OR2L13: variants seen among roughly 807,000 people sequenced by gnomAD.
OR2L13 encodes olfactory receptor family 2 subfamily L member 13, also known as olfactory receptor 2L13.
In OR2L13, 14 loss-of-function variants were observed where a neutral mutation model predicts 15.3. The ratio of observed to expected loss-of-function variants is 0.91; its 90% CI spans 0.60 to 1.43. OR2L13 has a LOEUF of 1.43. OR2L13 is among the 40% of genes most tolerant of loss of function. The pLI is 0.00. For missense variants in OR2L13, 367 were observed against 387.9 expected (o/e 0.95, Z 0.45); for synonymous variants, 152 against 142.9 (o/e 1.06, Z -0.45).
chr1:247,967,439 G>T, the OR2L13 span, among the ~76,000 whole-genome samples: 3 of 152,096 alleles, frequency 2.0e-5, no homozygotes, highest in Admixed American at 6.6e-5. Flanking sequence ...ATGTTGCTCA[G>T]GCTGGTTTCG....
the OR2L13 span, chr1:248,022,274 A>G: frequency 2.5e-6 from 4 of 1,614,042 alleles, no homozygotes; most frequent in East Asian, 2.2e-5. Context: ...TTGCAGGTGC[A>G]GAAGCGCTGC....
chr1:247,959,598 G>C, the OR2L13 span, among the ~76,000 whole-genome samples: 1 of 151,754 alleles, frequency 6.6e-6, no homozygotes, highest in Admixed American at 6.6e-5. Flanking sequence ...TGTAGATTTG[G>C]TCTTTTCACA....
chr1:248,099,793 T>C, exon 3 of OR2L13: 1 of 1,614,170 alleles, frequency 6.2e-7, no homozygotes, highest in Non-Finnish European at 8.5e-7. Context: ...TAAAATGATG[T>C]GTGTGAAGAT....
chr1:248,062,329 G>C, the OR2L13 span: 3 of 152,200 alleles, frequency 2.0e-5, no homozygotes, highest in Admixed American at 6.5e-5. Flanking sequence ...GTTTTGAGTT[G>C]ATTTGGATAT....
chr1:247,984,204 G>T, the OR2L13 span, among the ~76,000 whole-genome samples: 1 of 151,034 alleles, frequency 6.6e-6, no homozygotes, highest in Non-Finnish European at 1.5e-5. Flanking sequence ...TAAGTAGGAG[G>T]TGGGGGGAGG....
At chr1:248,020,952 G>T in the OR2L13 span, among the ~76,000 whole-genome samples, 8 of 151,480 alleles carry the variant, frequency 5.3e-5, no homozygotes, top group Admixed American at 2.6e-4. Context: ...GACAATTCAA[G>T]AAGGAAATAT....
chr1:248,074,559 A>G, the OR2L13 span, among the ~76,000 whole-genome samples: 3 of 152,178 alleles, frequency 2.0e-5, no homozygotes, highest in African/African-American at 7.2e-5. Flanking sequence ...ACAACGTTCA[A>G]GCTGAGAGCA....
At chr1:248,029,711 T>A in the OR2L13 span, among the ~76,000 whole-genome samples, 1 of 152,202 alleles carries the variant, frequency 6.6e-6, no homozygotes, top group Non-Finnish European at 1.5e-5. Flanking sequence ...CAATATAAAT[T>A]GAACTCAGAA....
At chr1:247,973,831 G>T in the OR2L13 span, among the ~76,000 whole-genome samples, 257 of 152,276 alleles carry the variant, frequency 1.7e-3, no homozygotes, top group African/African-American at 6.0e-3. Flanking sequence ...CTACTAATGG[G>T]AGTGTAAATT....
the OR2L13 span, among the ~76,000 whole-genome samples, chr1:247,953,543 G>T: frequency 6.6e-6 from 1 of 152,172 alleles, no homozygotes; most frequent in Non-Finnish European, 1.5e-5. Context: ...AAATAGAGCT[G>T]TGGTTCAATA....
the OR2L13 span, among the ~76,000 whole-genome samples, chr1:247,950,476 G>A: frequency 6.6e-6 from 1 of 152,126 alleles, no homozygotes; most frequent in East Asian, 1.9e-4. Context: ...TTACACTTAG[G>A]TCTTTAACCC....
chr1:248,095,607 C>CTTTTTTTTTTTTTTTTTT (rs780686820), upstream of OR2L13, among the ~76,000 whole-genome samples: 58 of 37,308 alleles, frequency 1.6e-3, 20 homozygotes, highest in East Asian at 5.6e-3. Context: ...AAAGCTGCTG[C>CTTTTTTTTTTTTTTTTTT]TTTTTTTTTT....
the OR2L13 span, among the ~76,000 whole-genome samples, chr1:247,976,583 A>T: frequency 6.6e-6 from 1 of 152,208 alleles, no homozygotes; most frequent in Non-Finnish European, 1.5e-5. Context: ...GTTGGATGTC[A>T]AACATCATGT....
chr1:248,022,374 A>G, the OR2L13 span: 2 of 1,614,182 alleles, frequency 1.2e-6, no homozygotes, highest in Non-Finnish European at 1.7e-6. Flanking sequence ...GTATGTGCTG[A>G]TGATAACAGG....
chr1:248,077,397 G>A, the OR2L13 span, among the ~76,000 whole-genome samples: 1 of 152,128 alleles, frequency 6.6e-6, no homozygotes, highest in Non-Finnish European at 1.5e-5. Context: ...CTATTGATTG[G>A]AACAGTTTCA....
the OR2L13 span, chr1:248,039,132 T>C: frequency 6.2e-7 from 1 of 1,614,014 alleles, no homozygotes; most frequent in Non-Finnish European, 8.5e-7. Flanking sequence ...CCCCATCATC[T>C]ACAGCCTGAG....
the OR2L13 span, among the ~76,000 whole-genome samples, chr1:247,969,614 G>A: frequency 6.6e-6 from 1 of 152,154 alleles, no homozygotes; most frequent in African/African-American, 2.4e-5. Flanking sequence ...CCTGATGTTA[G>A]CAGTATATTA....
At chr1:248,065,231 T>C in the OR2L13 span, among the ~76,000 whole-genome samples, 1 of 152,162 alleles carries the variant, frequency 6.6e-6, no homozygotes, top group African/African-American at 2.4e-5. Flanking sequence ...CACTTCACAG[T>C]CATTCTTTAA....
chr1:247,964,418 A>G, the OR2L13 span, among the ~76,000 whole-genome samples: 2 of 152,316 alleles, frequency 1.3e-5, no homozygotes, highest in South Asian at 4.1e-4. Context: ...CAAATTTACT[A>G]GAAAATAACA....
Sources: gnomAD v4.1 joint callset for allele counts (sites outside exome capture counted in the v4.1 genomes callset) on GRCh38, gnomAD v4.1.1 for gene constraint, MANE v1.5 for transcripts, NCBI Gene and HGNC (gene_info 2026-07-23, HGNC 2026-07-21) for gene names.